TMEM163: variants seen among roughly 807,000 people sequenced by gnomAD.
The protein encoded by TMEM163 is transmembrane protein 163.
Under a neutral mutation model 29.3 loss-of-function variants are expected in TMEM163, and 17 were observed. That is an observed-to-expected ratio of 0.58 (90% CI 0.40 to 0.87). The LOEUF (loss-of-function observed/expected upper bound fraction) is 0.87. Among genes scored for constraint, TMEM163 ranks in the 40% least tolerant of loss-of-function variants. TMEM163 has a pLI of 0.00. For synonymous variants in TMEM163, 157 were observed against 160.6 expected (o/e 0.98, Z 0.17); for missense variants, 303 against 381.5 (o/e 0.79, Z 1.71).
intron 2 of TMEM163, among the ~76,000 whole-genome samples, chr2:134,683,499 A>G (rs1190707125): frequency 6.6e-6 from 1 of 152,172 alleles, no homozygotes; most frequent in East Asian, 1.9e-4. Context: ...CACCAGAACA[A>G]CTTTTCTGAT....
At position 134,645,885 on chromosome 2, in the gene TMEM163, A is replaced by G. The variant is rs1318626767; in HGVS notation, c.322+67315T>C. Among the ~76,000 whole-genome samples, 3 of 152,214 alleles carry G rather than the reference A, an allele frequency of 2.0e-5. No homozygotes were observed. In the East Asian group the frequency reaches 5.8e-4, roughly 29 times the overall value. On this transcript the variant is annotated intron_variant, in intron 2 of 7. Coordinates refer to ENST00000281924, the MANE Select transcript of TMEM163 (RefSeq NM_030923.5). ...TATTCTGATTATGGTGGTAGTTAAC[A>G]TGATCTTACAATTGTTAAAAGTCAT...
rs1299734873 is a variant in TMEM163 at position 134,455,822 on chromosome 2, TGA to T, written c.*892_*893del. 2 of 152,356 alleles carry T rather than the reference TGA, an allele frequency of 1.3e-5. No individual in the cohort carries two copies. Among genetic ancestry groups the T allele is most frequent in the East Asian group, 3.9e-4 (2 of 5,186 alleles). The allele number at this position is 152,356 out of a possible 1,614,324, so 9.4% of individuals were successfully genotyped here. ...ACTACTGCCCGGGCAAGCAGTGGTG[TGA>T]GAGGTACAGAACGGTGCGGGTTGGG... On this transcript the variant is annotated 3_prime_UTR_variant, in exon 8 of 8. Coordinates refer to ENST00000281924, the MANE Select transcript of TMEM163 (RefSeq NM_030923.5).
intron 4 of TMEM163, among the ~76,000 whole-genome samples, chr2:134,541,931 T>TAC (rs1179695042): frequency 1.3e-5 from 2 of 152,206 alleles, no homozygotes; most frequent in Admixed American, 6.5e-5. Flanking sequence ...AAACATATAT[T>TAC]ACTTTGCCTT....
At chr2:134,511,831 C>T (rs1366714621) in intron 4 of TMEM163, among the ~76,000 whole-genome samples, 1 of 152,232 alleles carries the variant, frequency 6.6e-6, no homozygotes, top group Non-Finnish European at 1.5e-5. Context: ...AATGTCAGGG[C>T]AATTAGCTGC....
intron 5 of TMEM163, among the ~76,000 whole-genome samples, chr2:134,493,974 C>T (rs984839941): frequency 2.6e-5 from 4 of 152,028 alleles, no homozygotes; most frequent in Non-Finnish European, 4.4e-5. Flanking sequence ...TGTATGAGTA[C>T]GTCCTTAGGA....
At chr2:134,458,466 G>A (rs113810630) in intron 6 of TMEM163, 12 of 370,624 alleles carry the variant, frequency 3.2e-5, no homozygotes, top group African/African-American at 1.0e-4. Context: ...CCGCTAGAAC[G>A]CAAACCTCCT....
intron 2 of TMEM163, among the ~76,000 whole-genome samples, chr2:134,688,411 A>G (rs1228003831): frequency 6.6e-6 from 1 of 152,204 alleles, no homozygotes; most frequent in Admixed American, 6.5e-5. Context: ...TAAAAAGTCA[A>G]TAATCGACCT....
chr2:134,617,666 G>T (rs989049767), intron 2 of TMEM163, among the ~76,000 whole-genome samples: 1 of 102,592 alleles, frequency 9.7e-6, no homozygotes, highest in Admixed American at 9.0e-5. Context: ...AATATACAAA[G>T]CAATACAGAA....
chr2:134,636,677 C>A (rs1223443385), intron 2 of TMEM163, among the ~76,000 whole-genome samples: 2 of 152,194 alleles, frequency 1.3e-5, no homozygotes, highest in Non-Finnish European at 1.5e-5. Flanking sequence ...AACAAATTAG[C>A]CAGAAGATTA....
intron 4 of TMEM163, among the ~76,000 whole-genome samples, chr2:134,508,009 G>T (rs1439396341): frequency 1.3e-5 from 2 of 152,008 alleles, no homozygotes; most frequent in African/African-American, 4.8e-5. Flanking sequence ...TGCTAACTGT[G>T]CACAGTACTG....
intron 4 of TMEM163, among the ~76,000 whole-genome samples, chr2:134,547,073 T>TGAAA (rs1680806506): frequency 1.3e-5 from 2 of 152,282 alleles, no homozygotes; most frequent in African/African-American, 2.4e-5. Flanking sequence ...TGGGTAGCAT[T>TGAAA]TCAATTTTGC....
chr2:134,678,391 A>G (rs1338098062), intron 2 of TMEM163, among the ~76,000 whole-genome samples: 4 of 152,218 alleles, frequency 2.6e-5, no homozygotes, highest in African/African-American at 9.6e-5. Flanking sequence ...TGTTATTCTC[A>G]TTGGCTGCCT....
chr2:134,456,847 ATT>A (rs56024138), intron 7 of TMEM163, 71 bp from the exon 8 acceptor site: 15 of 1,360,306 alleles, frequency 1.1e-5, no homozygotes, highest in Middle Eastern at 1.9e-4. Flanking sequence ...GCGTATTTTC[ATT>A]TTTTTTTTCC....
In TMEM163 at chr2:134,550,654, G is replaced by A. The variant is rs1293711539; in HGVS notation, c.374C>T (p.Ala125Val). The A allele has an allele frequency of 1.9e-6, 3 of 1,614,012 alleles. No individual in the cohort carries two copies. Among genetic ancestry groups the A allele is most frequent in the Non-Finnish European group, 2.5e-6 (3 of 1,179,980 alleles). ...CGCCGATGACAGGACGTCCAGGATGGCATCAAACTAGGAGAAGGAGACATG... is the reference window on the plus strand; with the variant it reads ...CGCCGATGACAGGACGTCCAGGATGACATCAAACTAGGAGAAGGAGACATG... ...SASAFGFAFD[A>V]ILDVLSSAIV... Residue 125 changes from alanine to valine, a missense_variant, in exon 4 of 8, where the codon GCC becomes GTC. Ala to Val is a moderately conservative substitution (Grantham distance 64). Transcript: ENST00000281924.
At chr2:134,606,430 A>T (rs1682362482) in intron 2 of TMEM163, among the ~76,000 whole-genome samples, 1 of 152,028 alleles carries the variant, frequency 6.6e-6, no homozygotes, top group Admixed American at 6.6e-5. Flanking sequence ...ATCTCGCCAC[A>T]ATCAAAGTCA....
chr2:134,581,638 G>GA lies in TMEM163; in HGVS notation c.323-29548_323-29547insT, dbSNP rs1167997554. Among the ~76,000 whole-genome samples, 32 of 152,122 alleles carry GA rather than the reference G, an allele frequency of 2.1e-4. No homozygotes were observed. The South Asian group carries it at 6.7e-3, about 32-fold the overall frequency. ...TCTTCATGCTCTTTATGGGGGCGGGGGGGAGATGAATTTTATGAGGTTGAT... is the reference window on the plus strand; with the variant it reads ...TCTTCATGCTCTTTATGGGGGCGGGGAGGGAGATGAATTTTATGAGGTTGAT... On this transcript the variant is annotated intron_variant, in intron 2 of 7. Transcript: ENST00000281924.
At chr2:134,571,469 C>T (rs377604077) in intron 2 of TMEM163, among the ~76,000 whole-genome samples, 3 of 151,218 alleles carry the variant, frequency 2.0e-5, no homozygotes, top group Non-Finnish European at 4.4e-5. Flanking sequence ...ATTTTTACTC[C>T]GAAAAAAAAA....
At chr2:134,600,025 G>T (rs1682191037) in intron 2 of TMEM163, among the ~76,000 whole-genome samples, 1 of 152,132 alleles carries the variant, frequency 6.6e-6, no homozygotes, top group East Asian at 1.9e-4. Context: ...CCATTATAAA[G>T]CAAGTTCCTT....
chr2:134,495,781 A>G (rs1679537165), intron 5 of TMEM163, among the ~76,000 whole-genome samples: 1 of 152,246 alleles, frequency 6.6e-6, no homozygotes, highest in Non-Finnish European at 1.5e-5. Context: ...TCCTGAAAAC[A>G]GAAGATTCCA....
Sources: gnomAD v4.1 joint callset for allele counts (sites outside exome capture counted in the v4.1 genomes callset) on GRCh38, gnomAD v4.1.1 for gene constraint, MANE v1.5 for transcripts, NCBI Gene and HGNC (gene_info 2026-07-23, HGNC 2026-07-21) for gene names.